Variants in PCNT observed in about 807,000 individuals in gnomAD.
The protein encoded by PCNT is kendrin.
A neutral mutation model predicts 380.4 loss-of-function variants in PCNT; 319 were observed. The ratio of observed to expected loss-of-function variants is 0.84; its 90% CI spans 0.77 to 0.92. PCNT has a LOEUF of 0.92. PCNT is among the 40% of genes least tolerant of loss of function. The pLI is 0.00. For missense variants in PCNT, 4,400 were observed against 4,255.3 expected (o/e 1.03, Z -0.95); for synonymous variants, 1,845 against 1,735.2 (o/e 1.06, Z -1.57).
At position 46,346,937 on chromosome 21, in the gene PCNT, C is replaced by T; in HGVS notation, c.915C>T (p.Leu305=). The part of the protein sequence containing the change: ...LQSRQQHELE[L]LREQHAREKE... Reference sequence around the variant, plus strand: ...GCAGGCAGCAGCACGAGCTGGAGCTCCTCAGGGAGCAGCACGCACGGGAGA... The same window carrying T: ...GCAGGCAGCAGCACGAGCTGGAGCTTCTCAGGGAGCAGCACGCACGGGAGA... Residue 305 remains leucine, a synonymous_variant, in exon 5 of 47, where the codon CTC becomes CTT. Coordinates refer to ENST00000359568, the MANE Select transcript of PCNT (RefSeq NM_006031.6). 7 of 1,598,480 alleles carry T rather than the reference C, an allele frequency of 4.4e-6. No individual in the cohort carries two copies. Among genetic ancestry groups the T allele is most frequent in the Non-Finnish European group, 6.0e-6 (7 of 1,174,308 alleles).
At chr21:46,398,428 T>G (rs977481217) in intron 24 of PCNT, among the ~76,000 whole-genome samples, 173 bp downstream of exon 24, 2 of 152,254 alleles carry the variant, frequency 1.3e-5, no homozygotes, top group African/African-American at 4.8e-5. Context: ...TTTAAAAAAT[T>G]AATGGTGGAT....
rs2085920241 is a variant in PCNT, at chr21:46,388,581, C to T, written c.3465-161C>T. Reference sequence around the variant, plus strand: ...TTGTCTTGTCTGTGGCCTCAGCTTCCTGTGCTCACATGGGCATGAGGATCA... The same window carrying T: ...TTGTCTTGTCTGTGGCCTCAGCTTCTTGTGCTCACATGGGCATGAGGATCA... On this transcript the variant is annotated intron_variant, in intron 17 of 46. Transcript: ENST00000359568. The surrounding 1 kb of genome is among the most constrained non-coding windows in gnomAD (Gnocchi z 4.2). 6.6e-6 allele frequency among the ~76,000 whole-genome samples: 1 copy of T among 152,234 alleles called. No individual in the cohort carries two copies. Among genetic ancestry groups the T allele is most frequent in the South Asian group, 2.1e-4 (1 of 4,836 alleles).
At chr21:46,356,183 G>T (rs1284974459) in intron 12 of PCNT, among the ~76,000 whole-genome samples, 1 of 152,236 alleles carries the variant, frequency 6.6e-6, no homozygotes, top group Admixed American at 6.5e-5. Context: ...CTGGCCACTG[G>T]CGTGGACTGT....
At chr21:46,430,893 G>GCC (rs560879641) in intron 37 of PCNT, 100 of 978,190 alleles carry the variant, frequency 1.0e-4, no homozygotes, top group Admixed American at 3.7e-4. Context: ...CCTGCTCGGA[G>GCC]CCCCCCCCCG....
At chr21:46,415,783 G>C (rs1026096237) in intron 29 of PCNT, among the ~76,000 whole-genome samples, 1 of 152,164 alleles carries the variant, frequency 6.6e-6, no homozygotes, top group South Asian at 2.1e-4. Context: ...CCACAATTTT[G>C]TGTTTTCGGT....
At chr21:46,341,564 A>C (rs2083910236) in intron 3 of PCNT, among the ~76,000 whole-genome samples, 1 of 151,914 alleles carries the variant, frequency 6.6e-6, no homozygotes, top group African/African-American at 2.4e-5. Context: ...ATGGGATCTC[A>C]CTATATTGAC....
chr21:46,430,962 A>G (rs539167112), intron 37 of PCNT: 1 of 985,348 alleles, frequency 1.0e-6, no homozygotes, highest in Non-Finnish European at 1.2e-6. Flanking sequence ...CAGACAGAGC[A>G]CAGCCTCAGA....
intron 15 of PCNT, among the ~76,000 whole-genome samples, chr21:46,375,178 T>A (rs2085295850): frequency 1.3e-5 from 2 of 152,204 alleles, no homozygotes; most frequent in East Asian, 3.8e-4. Flanking sequence ...CTGCCCCGCC[T>A]GTGCTGGTAA....
At chr21:46,418,462 TCTTGA>T (rs928270966) in intron 31 of PCNT, among the ~76,000 whole-genome samples, 156 bp downstream of exon 31, 55 of 152,342 alleles carry the variant, frequency 3.6e-4, no homozygotes, top group African/African-American at 1.3e-3. Flanking sequence ...ACCTGGGGCC[TCTTGA>T]CTTCTGAAAA....
chr21:46,389,543 C>T (rs1338663795), intron 19 of PCNT, 112 bp downstream of exon 19: 10 of 785,798 alleles, frequency 1.3e-5, no homozygotes, highest in East Asian at 2.7e-5. Context: ...GGTTTCTCCC[C>T]AAGGAGGAGG....
chr21:46,387,318 C>G (rs9981941), intron 17 of PCNT, among the ~76,000 whole-genome samples: 1 of 152,078 alleles, frequency 6.6e-6, no homozygotes, highest in Non-Finnish European at 1.5e-5. Flanking sequence ...GTGGGTGTCT[C>G]GTAGCTTGGT....
At chr21:46,350,301 G>A (rs1344649958) in intron 8 of PCNT, among the ~76,000 whole-genome samples, 3 of 152,220 alleles carry the variant, frequency 2.0e-5, no homozygotes, top group Non-Finnish European at 4.4e-5. Context: ...ACTTAGGAAT[G>A]CATGTTCTTT....
At chr21:46,338,124 C>T (rs1338088772) in intron 3 of PCNT, among the ~76,000 whole-genome samples, 1 of 152,136 alleles carries the variant, frequency 6.6e-6, no homozygotes, top group East Asian at 1.9e-4. Flanking sequence ...AGTGATCCTC[C>T]TGCCTCGGCC....
In PCNT at chr21:46,383,294, G is replaced by T. The variant is rs147846041; in HGVS notation, c.3312+1454G>T. Among the ~76,000 whole-genome samples, 1,036 of 141,620 alleles carry T rather than the reference G, an allele frequency of 7.3e-3. 67 individuals are homozygous for T. The highest frequency in any genetic ancestry group is 0.026 in the African/African-American group (994 of 37,670). The allele number at this position is 141,620 out of a possible 152,430, so 92.9% of individuals were successfully genotyped here. A position where few individuals can be genotyped will look rare whatever the true frequency, so the allele number is the denominator to read the frequency against. On this transcript the variant is annotated intron_variant, in intron 16 of 46. Coordinates refer to ENST00000359568, the MANE Select transcript of PCNT (RefSeq NM_006031.6). ...TTCACAGTGCTGTGCATTCAGCAGCGGAAGCGCATTCACGGTGTTGTGCGT... is the reference window on the plus strand; with the variant it reads ...TTCACAGTGCTGTGCATTCAGCAGCTGAAGCGCATTCACGGTGTTGTGCGT...
intron 1 of PCNT, among the ~76,000 whole-genome samples, chr21:46,326,118 G>A (rs1204336085): frequency 6.6e-6 from 1 of 152,160 alleles, no homozygotes; most frequent in Non-Finnish European, 1.5e-5. Context: ...AAACTGCCAA[G>A]GGCTAGGAAA....
rs536950660 is a variant in PCNT at position 46,412,080 on chromosome 21, C to A, written c.5994+13C>A. On this transcript the variant is annotated intron_variant, in intron 28 of 46. Transcript: ENST00000359568. ...CCCTGACCCACAGGTGGGCTCCCCCCGCGGGCCATGGCAGGGTATTTTTTT... is the reference window on the plus strand; with the variant it reads ...CCCTGACCCACAGGTGGGCTCCCCCAGCGGGCCATGGCAGGGTATTTTTTT... 1.2e-6 allele frequency: 2 copies of A among 1,604,192 alleles called. No individual in the cohort carries two copies. The highest frequency in any genetic ancestry group is 1.3e-5 in the African/African-American group (1 of 74,940).
chr21:46,338,488 C>G (rs1795081879), intron 3 of PCNT, among the ~76,000 whole-genome samples: 1 of 152,136 alleles, frequency 6.6e-6, no homozygotes, highest in African/African-American at 2.4e-5. Context: ...TAGCTCATTC[C>G]TTTTTGATGC....
chr21:46,403,251 A>G (rs903363965), intron 27 of PCNT, among the ~76,000 whole-genome samples: 2 of 141,820 alleles, frequency 1.4e-5, no homozygotes, highest in Non-Finnish European at 3.2e-5. Flanking sequence ...CGGTGAATGA[A>G]CACAGCGTGG....
At chr21:46,347,831 C>T (rs2084123195) in intron 6 of PCNT, among the ~76,000 whole-genome samples, 1 of 152,204 alleles carries the variant, frequency 6.6e-6, no homozygotes, top group African/African-American at 2.4e-5. Context: ...GTGGATGTGG[C>T]AGTTCCCTGC....
Sources: allele counts gnomAD v4.1 joint callset (sites outside exome capture counted in the v4.1 genomes callset), GRCh38; gene constraint gnomAD v4.1.1; non-coding constraint Gnocchi (gnomAD v3.1); transcripts MANE v1.5; gene names NCBI Gene and HGNC (gene_info 2026-07-23, HGNC 2026-07-21).